Variants in XRRA1 observed in about 807,000 individuals in gnomAD.
The protein encoded by XRRA1 is X-ray radiation resistance-associated protein 1.
Under a neutral mutation model 80.2 loss-of-function variants are expected in XRRA1, and 69 were observed. That is an observed-to-expected ratio of 0.86 (90% CI 0.71 to 1.05). The LOEUF is 1.05. Ranked by LOEUF, XRRA1 falls within the 50% of genes least tolerant of loss-of-function variation. XRRA1 has a pLI of 0.00. For missense variants in XRRA1, 967 were observed against 976.4 expected, an observed-to-expected ratio of 0.99 and a Z score of 0.13; for synonymous variants, 348 against 389.9, an observed-to-expected ratio of 0.89 and a Z score of 1.27.
intron 15 of XRRA1, among the ~76,000 whole-genome samples, chr11:74,847,713 T>C (rs1490412927): frequency 6.6e-6 from 1 of 152,176 alleles, no homozygotes; most frequent in African/African-American, 2.4e-5. Context: ...TTCCCCATTA[T>C]ACTGAGAGCA....
At chr11:74,848,536 G>A (rs2038918400) in intron 14 of XRRA1, 74 bp from the exon 15 acceptor site, 2 of 1,377,632 alleles carry the variant, frequency 1.5e-6, no homozygotes, top group Middle Eastern at 1.9e-4. Flanking sequence ...ACTAGCCTAA[G>A]GCCACTTGTA....
In XRRA1 at chr11:74,865,307, G is replaced by A. The variant is rs116945133; in HGVS notation, c.1004-2286C>T. Among the ~76,000 whole-genome samples the A allele has an allele frequency of 7.3e-3, 1,104 of 152,270 alleles. 11 individuals are homozygous for A. The highest frequency in any genetic ancestry group is 0.013 in the Non-Finnish European group (854 of 68,010). On this transcript the variant is annotated intron_variant, in intron 10 of 18. Transcript: ENST00000684022. The stretch of plus-strand genomic sequence containing the variant: ...CTGTGTGGGCCCAGTCTGCGATTTG[G>A]CCCCGCCTGCTATAGTCAGGGAACT...
rs2038817037 is a variant in XRRA1 at position 74,848,235 on chromosome 11, G to A, written c.1608C>T (p.Ser536=). ...RTFVPLPPIC[S]NSTVHSEETL... is the part of the protein sequence containing the mutation. ...TCTCTTCACTATGCACAGTGGAGTT[G>A]GAGCAGATGGGAGGCAGTGGCACGA... Residue 536 remains serine, a synonymous_variant, in exon 15 of 19, where the codon TCC becomes TCT. Transcript: ENST00000684022. The A allele has an allele frequency of 6.2e-7, 1 of 1,613,938 alleles. No homozygotes were observed. The highest frequency in any genetic ancestry group is 2.2e-5 in the East Asian group (1 of 44,880).
intron 10 of XRRA1, among the ~76,000 whole-genome samples, chr11:74,873,808 G>A (rs189046556): frequency 3.9e-5 from 6 of 152,256 alleles, no homozygotes; most frequent in African/African-American, 1.4e-4. Context: ...AGCATTAGGG[G>A]AAGAAAGGAG....
At chr11:74,921,506 C>T (rs865963013) in intron 7 of XRRA1, among the ~76,000 whole-genome samples, 159 bp from the exon 8 acceptor site, 1 of 152,172 alleles carries the variant, frequency 6.6e-6, no homozygotes, top group Non-Finnish European at 1.5e-5. Context: ...GAGTCAGTAC[C>T]CAACTGGTTT....
At chr11:74,894,807 G>A (rs1213032596) in intron 10 of XRRA1, among the ~76,000 whole-genome samples, 2 of 152,130 alleles carry the variant, frequency 1.3e-5, no homozygotes. Flanking sequence ...TCTTAAAAAT[G>A]TCATCTATAC....
chr11:74,940,556 C>T (rs924903402), intron 3 of XRRA1, among the ~76,000 whole-genome samples: 1 of 152,268 alleles, frequency 6.6e-6, no homozygotes, highest in Middle Eastern at 3.4e-3. Flanking sequence ...CAGAATGACA[C>T]AGAATGCCAG....
chr11:74,896,470 T>G (rs1038312584), intron 10 of XRRA1, among the ~76,000 whole-genome samples: 9 of 152,214 alleles, frequency 5.9e-5, no homozygotes, highest in Non-Finnish European at 1.3e-4. Context: ...GGAAGGACTT[T>G]GTACTATGGT....
intron 10 of XRRA1, among the ~76,000 whole-genome samples, chr11:74,878,394 T>C (rs909467423): frequency 2.6e-4 from 39 of 151,744 alleles, no homozygotes; most frequent in Non-Finnish European, 4.6e-4. Context: ...TTGTGAAAAT[T>C]TTCTCCCATT....
chr11:74,850,124 T>A (rs1157416137), intron 14 of XRRA1, among the ~76,000 whole-genome samples: 1 of 152,202 alleles, frequency 6.6e-6, no homozygotes, highest in African/African-American at 2.4e-5. Flanking sequence ...GAACCTTTGA[T>A]GGGAGGAGGT....
chr11:74,903,871 A>G (rs984465877), intron 10 of XRRA1, among the ~76,000 whole-genome samples: 10 of 152,220 alleles, frequency 6.6e-5, no homozygotes, highest in Non-Finnish European at 1.5e-5. Flanking sequence ...TTTTACAAAG[A>G]TAAATACATA....
At chr11:74,888,216 A>C (rs1010987711) in intron 10 of XRRA1, among the ~76,000 whole-genome samples, 8 of 152,160 alleles carry the variant, frequency 5.3e-5, no homozygotes, top group Non-Finnish European at 8.8e-5. Flanking sequence ...TACTCCTCAG[A>C]GACAAAACTT....
At position 74,870,302 on chromosome 11, in the gene XRRA1, A is replaced by G. The variant is rs529421812; in HGVS notation, c.1004-7281T>C. Among the ~76,000 whole-genome samples the G allele has an allele frequency of 3.3e-5, 5 of 152,288 alleles. No homozygotes were observed. The East Asian group carries it at 7.7e-4, about 24-fold the overall frequency. On this transcript the variant is annotated intron_variant, in intron 10 of 18. Transcript: ENST00000684022. ...TGGGGCTGGAAGAGGTCCAGAGGCA[A>G]CTGATAGTTCCTGGCCAGGGCTACA... is the stretch of plus-strand genomic sequence containing the variant.
At chr11:74,933,492 G>A (rs1247521197) in intron 5 of XRRA1, 1 of 200,896 alleles carries the variant, frequency 5.0e-6, no homozygotes, top group Non-Finnish European at 1.0e-5. Flanking sequence ...TCCTGACCTT[G>A]TGATCCACCC....
At chr11:74,876,770 A>G (rs1400119452) in intron 10 of XRRA1, 1 of 152,228 alleles carries the variant, frequency 6.6e-6, no homozygotes, top group Non-Finnish European at 1.5e-5. Flanking sequence ...TAAGCTGAAA[A>G]TCATAAAAGA....
intron 10 of XRRA1, among the ~76,000 whole-genome samples, chr11:74,880,251 A>G (rs1269833029): frequency 6.6e-6 from 1 of 152,184 alleles, no homozygotes; most frequent in African/African-American, 2.4e-5. Flanking sequence ...GTTTATTTGC[A>G]TAGAGATGTT....
In XRRA1 at chr11:74,870,129, G is replaced by GGGA. The variant is rs534545423; in HGVS notation, c.1004-7109_1004-7108insTCC. Among the ~76,000 whole-genome samples, 86 of 152,308 alleles carry GGGA rather than the reference G, an allele frequency of 5.6e-4. 2 individuals are homozygous for GGGA. The South Asian group carries it at 7.7e-3, about 14-fold the overall frequency. On this transcript the variant is annotated intron_variant, in intron 10 of 18. Transcript: ENST00000684022. Reference sequence around the variant, plus strand: ...ACATTCGGTGTCTGATGGCCACCTAGATGCCCTTAGGGAATGCCACCCATC... The same window carrying GGGA: ...ACATTCGGTGTCTGATGGCCACCTAGGGAATGCCCTTAGGGAATGCCACCCATC...
chr11:74,852,826 C>G (rs1227786120), intron 12 of XRRA1, among the ~76,000 whole-genome samples: 3 of 152,156 alleles, frequency 2.0e-5, no homozygotes, highest in African/African-American at 7.2e-5. Flanking sequence ...TCAGGGACAT[C>G]AGGATCGAAG....
chr11:74,874,217 C>A (rs371507326), intron 10 of XRRA1, among the ~76,000 whole-genome samples: 6 of 103,126 alleles, frequency 5.8e-5, no homozygotes, highest in Admixed American at 1.6e-4. Context: ...GCCTGGGTGA[C>A]AGCAAGACTC....
Sources: gnomAD v4.1 joint callset for allele counts (sites outside exome capture counted in the v4.1 genomes callset) on GRCh38, gnomAD v4.1.1 for gene constraint, MANE v1.5 for transcripts, NCBI Gene and HGNC (gene_info 2026-07-23, HGNC 2026-07-21) for gene names.